GALNT13: variants seen among roughly 807,000 people sequenced by gnomAD.
The protein encoded by GALNT13 is UDP-GalNAc:polypeptide N-acetylgalactosaminyltransferase 13.
A neutral mutation model predicts 64.2 loss-of-function variants in GALNT13; 28 were observed. The observed-to-expected ratio is 0.44, with a 90% CI of 0.32 to 0.60. The LOEUF (loss-of-function observed/expected upper bound fraction) is 0.60, where lower values mean the gene tolerates loss of function less well. Ranked by LOEUF, GALNT13 falls within the 20% of genes least tolerant of loss-of-function variation. The probability of loss-of-function intolerance (pLI) is 0.05; values close to 1 mark genes in which losing one functional copy is unlikely to be tolerated. For synonymous variants in GALNT13, 214 were observed against 224.6 expected (o/e 0.95, Z 0.42); for missense variants, 577 against 669.8 (o/e 0.86, Z 1.53).
At chr2:154,335,972 G>A (rs992551615) in intron 9 of GALNT13, among the ~76,000 whole-genome samples, 6 of 151,670 alleles carry the variant, frequency 4.0e-5, no homozygotes, top group Admixed American at 3.3e-4. Context: ...GTATTTACTT[G>A]GTACTTTGTT....
intron 4 of GALNT13, among the ~76,000 whole-genome samples, chr2:154,172,343 A>C (rs1490506786): frequency 1.3e-5 from 2 of 151,932 alleles, no homozygotes; most frequent in Admixed American, 1.3e-4. Flanking sequence ...ACTATACATT[A>C]TTTTAAACTA....
At chr2:153,435,385 T>A in the GALNT13 span, among the ~76,000 whole-genome samples, 1 of 152,164 alleles carries the variant, frequency 6.6e-6, no homozygotes, top group Non-Finnish European at 1.5e-5. Context: ...GGTAGCTTGA[T>A]GGGGATGGCA....
At chr2:153,887,037 C>A (rs1028602276) in intron 1 of GALNT13, among the ~76,000 whole-genome samples, 2 of 151,914 alleles carry the variant, frequency 1.3e-5, no homozygotes, top group East Asian at 1.9e-4. Context: ...AACTTAGTTA[C>A]CTCATCTTTA....
At chr2:153,860,253 C>T in the GALNT13 span, among the ~76,000 whole-genome samples, 6 of 152,212 alleles carry the variant, frequency 3.9e-5, no homozygotes, top group East Asian at 9.6e-4. Context: ...GTTGAAGTTA[C>T]TATCAAAGTG....
At chr2:153,797,010 A>C in the GALNT13 span, among the ~76,000 whole-genome samples, 1 of 152,224 alleles carries the variant, frequency 6.6e-6, no homozygotes, top group South Asian at 2.1e-4. Flanking sequence ...GTTTTTTGAT[A>C]AATGGAAAGG....
intron 3 of GALNT13, among the ~76,000 whole-genome samples, chr2:154,130,938 A>G (rs989430219): frequency 3.6e-5 from 5 of 137,680 alleles, no homozygotes; most frequent in Middle Eastern, 3.5e-3. Context: ...TCTGGCAGCC[A>G]GATTGGTGCT....
the GALNT13 span, among the ~76,000 whole-genome samples, chr2:153,349,489 C>G: frequency 6.6e-6 from 1 of 152,136 alleles, no homozygotes; most frequent in Non-Finnish European, 1.5e-5. Flanking sequence ...CAAGACAGTG[C>G]TTGGAATTAG....
At chr2:153,547,465 GGAAGA>G in the GALNT13 span, among the ~76,000 whole-genome samples, 1 of 152,116 alleles carries the variant, frequency 6.6e-6, no homozygotes, top group African/African-American at 2.4e-5. Context: ...CTGAGAAATT[GGAAGA>G]GAAATCAGTA....
chr2:154,088,875 A>T (rs548287880), intron 3 of GALNT13, among the ~76,000 whole-genome samples: 1 of 152,290 alleles, frequency 6.6e-6, no homozygotes, highest in African/African-American at 2.4e-5. Context: ...GTTTAAAATT[A>T]TCCTGGGGCA....
intron 8 of GALNT13, among the ~76,000 whole-genome samples, chr2:154,279,150 A>T (rs1280693070): frequency 6.6e-6 from 1 of 152,148 alleles, no homozygotes; most frequent in Non-Finnish European, 1.5e-5. Context: ...CTATGTCCTT[A>T]CCAGAACACT....
chr2:153,811,608 T>C, the GALNT13 span, among the ~76,000 whole-genome samples: 1 of 152,242 alleles, frequency 6.6e-6, no homozygotes, highest in African/African-American at 2.4e-5. Context: ...ACTACTCTTG[T>C]TGGGACTTGC....
chr2:154,284,664 A>C (rs542610083), intron 8 of GALNT13, among the ~76,000 whole-genome samples: 44 of 152,280 alleles, frequency 2.9e-4, no homozygotes, highest in Non-Finnish European at 5.4e-4. Context: ...GAGAATGCAG[A>C]TATCTCCTTC....
the GALNT13 span, among the ~76,000 whole-genome samples, chr2:153,756,958 T>C: frequency 6.6e-6 from 1 of 152,276 alleles, no homozygotes; most frequent in East Asian, 1.9e-4. Context: ...TAGAATCTCT[T>C]CCTTTTTTAG....
At chr2:153,662,438 C>A in the GALNT13 span, among the ~76,000 whole-genome samples, 1 of 152,310 alleles carries the variant, frequency 6.6e-6, no homozygotes, top group East Asian at 1.9e-4. Flanking sequence ...CTGCAGGGAA[C>A]TTAGCCAGTG....
the GALNT13 span, among the ~76,000 whole-genome samples, chr2:153,675,086 G>A: frequency 0.38 from 57,792 of 151,972 alleles, 13,305 homozygotes; most frequent in Middle Eastern, 0.54. Flanking sequence ...GAATGCTTTT[G>A]CACTGTTTGC....
At chr2:153,121,141 A>C in the GALNT13 span, among the ~76,000 whole-genome samples, 332 of 152,306 alleles carry the variant, frequency 2.2e-3, 2 homozygotes, top group African/African-American at 7.8e-3. Flanking sequence ...GCATTAGAAG[A>C]GTTTCATTTG....
At chr2:153,389,417 G>T in the GALNT13 span, among the ~76,000 whole-genome samples, 5 of 152,010 alleles carry the variant, frequency 3.3e-5, no homozygotes, top group Non-Finnish European at 4.4e-5. Context: ...AGAGGTAAAG[G>T]CTTCATGGAC....
intron 3 of GALNT13, among the ~76,000 whole-genome samples, chr2:154,069,084 A>T (rs1000432005): frequency 1.3e-5 from 2 of 152,066 alleles, no homozygotes; most frequent in Non-Finnish European, 2.9e-5. Context: ...CAATGAAATT[A>T]CGTCTTTAGA....
At chr2:153,664,809 G>GT in the GALNT13 span, among the ~76,000 whole-genome samples, 66 of 152,256 alleles carry the variant, frequency 4.3e-4, no homozygotes, top group African/African-American at 1.5e-3. Context: ...AATGAGTCAT[G>GT]TAAGTGTGCC....
Sources: allele counts gnomAD v4.1 joint callset (sites outside exome capture counted in the v4.1 genomes callset), GRCh38; gene constraint gnomAD v4.1.1; transcripts MANE v1.5; gene names NCBI Gene and HGNC (gene_info 2026-07-23, HGNC 2026-07-21).